Variants in AP2A1 observed in about 807,000 individuals in gnomAD.
AP2A1 encodes AP-2 complex subunit alpha-1.
In AP2A1, 21 loss-of-function variants were observed where a neutral mutation model predicts 107.3. The ratio of observed to expected loss-of-function variants is 0.20; its 90% CI spans 0.14 to 0.28. The LOEUF (loss-of-function observed/expected upper bound fraction) is 0.28, where lower values mean the gene tolerates loss of function less well. AP2A1 is among the 10% of genes least tolerant of loss of function. AP2A1 has a pLI of 1.00. For synonymous variants in AP2A1, 602 were observed against 564.8 expected (o/e 1.07, Z -0.93); for missense variants, 873 against 1,307.7 (o/e 0.67, Z 5.13).
intron 7 of AP2A1, 27 bp from the exon 8 acceptor site, chr19:49,798,775 C>A: frequency 6.3e-7 from 1 of 1,593,432 alleles, no homozygotes. Context: ...GGACACTCAG[C>A]CGGGGGCGTC....
intron 1 of AP2A1, among the ~76,000 whole-genome samples, chr19:49,772,641 G>C (rs1368949203): frequency 6.6e-6 from 1 of 151,646 alleles, no homozygotes; most frequent in Non-Finnish European, 1.5e-5. Flanking sequence ...GACTACAGGC[G>C]CCCGCCAACA....
At position 49,799,477 on chromosome 19, in the gene AP2A1, C is replaced by T. The variant is rs371940152; in HGVS notation, c.1116C>T (p.Thr372=). The T allele has an allele frequency of 2.4e-5, 38 of 1,611,410 alleles. No homozygotes were observed. In the African/African-American group the frequency reaches 3.9e-4, roughly 16 times the overall value. The change falls in exon 9 of 23, where the codon ACC becomes ACT. Residue 372 remains threonine, a synonymous_variant. Coordinates refer to ENST00000354293, the MANE Select transcript of AP2A1 (RefSeq NM_130787.3). Reference sequence around the variant, plus strand: ...AAGCCGTCAAGACGCACATTGACACCGTCATCAATGCCCTCAAGGTGTGAG... The same window carrying T: ...AAGCCGTCAAGACGCACATTGACACTGTCATCAATGCCCTCAAGGTGTGAG... ...SHEAVKTHID[T]VINALKTERD... is the part of the protein sequence containing the mutation.
rs748610365 is a variant in AP2A1, at chr19:49,782,663, G to A, written c.412G>A (p.Val138Met). 5 of 1,612,670 alleles carry A rather than the reference G, an allele frequency of 3.1e-6. No individual in the cohort carries two copies. The highest frequency in any genetic ancestry group is 4.2e-6 in the Non-Finnish European group (5 of 1,179,616). The change falls in exon 4 of 23, where the codon GTG becomes ATG. Residue 138 changes from valine to methionine, a missense_variant. Physicochemically the swap from Val to Met is conservative, Grantham distance 21. This residue lies in a region of AP2A1 where 87 missense variants were observed against 178.2 expected (regional missense o/e 0.49). Transcript: ENST00000354293. The stretch of plus-strand genomic sequence containing the variant: ...CCTGGCCCTGCACTGCATCGCCAAC[G>A]TGGGCAGCCGGGAGATGGGCGAGGC... ...MCLALHCIAN[V>M]GSREMGEAFA...
chr19:49,775,773 T>C (rs2084611605), intron 1 of AP2A1, among the ~76,000 whole-genome samples: 1 of 152,186 alleles, frequency 6.6e-6, no homozygotes, highest in South Asian at 2.1e-4. Flanking sequence ...TCGGTCTCTG[T>C]AGAGGAAATG....
chr19:49,803,465 T>C (rs548626048), intron 18 of AP2A1, 89 bp downstream of exon 18: 6 of 1,034,820 alleles, frequency 5.8e-6, no homozygotes, highest in South Asian at 5.2e-5. Context: ...TCCACACTTC[T>C]CTTCAGCCTC....
intron 1 of AP2A1, 74 bp from the exon 2 acceptor site, chr19:49,781,683 C>T (rs990188629): frequency 1.5e-5 from 22 of 1,449,304 alleles, no homozygotes; most frequent in East Asian, 7.4e-5. Context: ...TGGGTGGGGC[C>T]GCGCCTAGGA....
chr19:49,768,552 G>T (rs1351654027), intron 1 of AP2A1, among the ~76,000 whole-genome samples: 7 of 152,152 alleles, frequency 4.6e-5, no homozygotes, highest in African/African-American at 1.7e-4. Context: ...CTGAACAGCA[G>T]CCCTGTAAAG....
intron 1 of AP2A1, among the ~76,000 whole-genome samples, chr19:49,769,056 C>T (rs779662539): frequency 1.3e-5 from 2 of 152,088 alleles, no homozygotes; most frequent in Middle Eastern, 3.2e-3. Flanking sequence ...TCAAGACCAA[C>T]CTGGCCAACA....
At chr19:49,793,181 G>A in intron 6 of AP2A1, 89 bp downstream of exon 6, 2 of 1,237,138 alleles carry the variant, frequency 1.6e-6, no homozygotes, top group South Asian at 1.3e-5. Context: ...CTCCCTGAGA[G>A]GCAGCCCAGC....
chr19:49,802,148 C>A lies in AP2A1; in HGVS notation c.2114+7C>A, dbSNP rs1403211859. On this transcript the variant is annotated splice_region_variant and intron_variant, in intron 15 of 22. Coordinates refer to ENST00000354293, the MANE Select transcript of AP2A1 (RefSeq NM_130787.3). ...CCGAGGAGGCCTTCCTCAGGTAGCA[C>A]CCCCTGGGCCCGGGCCCCTTCTCGC... The A allele has an allele frequency of 1.3e-6, 2 of 1,548,188 alleles. No homozygotes were observed. The highest frequency in any genetic ancestry group is 2.3e-5 in the South Asian group (2 of 85,208).
intron 4 of AP2A1, among the ~76,000 whole-genome samples, chr19:49,787,347 G>GTTTTTTT (rs199550216): frequency 5.2e-5 from 5 of 96,186 alleles, no homozygotes; most frequent in African/African-American, 8.9e-5. Flanking sequence ...TGTTTTTTTT[G>GTTTTTTT]TTTTTTGTTT....
Position 49,801,041 on chromosome 19 carries a change from TG to T in AP2A1, c.1540del (p.Asp514ThrfsTer103). 6.2e-7 allele frequency: 1 copy of T among 1,606,736 alleles called. No homozygotes were observed. The highest frequency in any genetic ancestry group is 8.5e-7 in the Non-Finnish European group (1 of 1,176,906). The stretch of plus-strand genomic sequence containing the variant: ...TTGGGGAGTTTGGGAACCTGATTGC[TG>T]GGGACCCCCGCTCCAGGTGAGGGAG... Reference protein sequence around the residue: ...ILGEFGNLIAGDPRSSPPVQF... With the variant: ...ILGEFGNLIAXDPRSSPPVQF... On this transcript the variant is annotated frameshift_variant, in exon 12 of 23. Transcript: ENST00000354293. LOFTEE classifies it high-confidence loss of function.
At chr19:49,787,858 A>G (rs529843146) in intron 4 of AP2A1, among the ~76,000 whole-genome samples, 1 of 152,160 alleles carries the variant, frequency 6.6e-6, no homozygotes, top group Non-Finnish European at 1.5e-5. Flanking sequence ...TGGACATTTC[A>G]TAGAAATGGA....
rs1026234498 is a variant in AP2A1, at chr19:49,778,412, G to C, written c.68-3345G>C. Among the ~76,000 whole-genome samples, 16 of 152,158 alleles carry C rather than the reference G, an allele frequency of 1.1e-4. 2 individuals are homozygous for C. Among genetic ancestry groups the C allele is most frequent in the Admixed American group, 9.8e-4 (15 of 15,268 alleles). On this transcript the variant is annotated intron_variant, in intron 1 of 22. Coordinates refer to ENST00000354293, the MANE Select transcript of AP2A1 (RefSeq NM_130787.3). ...AGCCTGGCCAACGTGGTGAAACCTC[G>C]TCTCTACTAAAAATACACTAATTAG...
chr19:49,781,037 C>T (rs1000542790), intron 1 of AP2A1, among the ~76,000 whole-genome samples: 13 of 152,008 alleles, frequency 8.6e-5, no homozygotes, highest in Admixed American at 7.2e-4. Context: ...AGCATCCAGT[C>T]GGATTGTGCT....
intron 6 of AP2A1, 67 bp downstream of exon 6, chr19:49,793,159 C>T: frequency 7.2e-7 from 1 of 1,382,774 alleles, no homozygotes; most frequent in South Asian, 1.2e-5. Context: ...TGACACCCCT[C>T]AGGCCCCCAC....
Position 49,801,869 on chromosome 19 carries a change from G to A in AP2A1, c.1933G>A (p.Glu645Lys), listed in dbSNP as rs1211264256. Residue 645 changes from glutamate (E) to lysine (K), a missense_variant, in exon 14 of 23, where the codon GAG (glutamate) becomes AAG (lysine). By Grantham distance (56) the Glu-to-Lys change is moderately conservative. Transcript: ENST00000354293. ...PSSNDINGGM[E>K]PTPSTVSTPS... ...CAGCAACGACATCAACGGGGGCATG[G>A]AGCCCACCCCCAGCACTGTGGTGAG... The A allele has an allele frequency of 6.7e-7, 1 of 1,499,206 alleles. No individual in the cohort carries two copies. 92.9% of individuals were successfully genotyped at this position (1,499,206 alleles called of 1,614,324 possible). A position where few individuals can be genotyped will look rare whatever the true frequency, so the allele number is the denominator to read the frequency against.
intron 1 of AP2A1, among the ~76,000 whole-genome samples, chr19:49,769,795 TAGG>T (rs2084538774): frequency 6.6e-6 from 1 of 152,054 alleles, no homozygotes; most frequent in Non-Finnish European, 1.5e-5. Context: ...GGAACCAAAT[TAGG>T]AGGGTGTTGC....
chr19:49,782,819 G>A, intron 4 of AP2A1, 95 bp downstream of exon 4: 1 of 1,384,612 alleles, frequency 7.2e-7, no homozygotes, highest in Non-Finnish European at 9.6e-7. Context: ...CCTGCCCAAG[G>A]TCTCCCAGCC....
Sources: gnomAD v4.1 joint callset for allele counts (sites outside exome capture counted in the v4.1 genomes callset) on GRCh38, gnomAD v4.1.1 for gene constraint, gnomAD v4.1.1 regional missense constraint, MANE v1.5 for transcripts, NCBI Gene and HGNC (gene_info 2026-07-23, HGNC 2026-07-21) for gene names.